Variants in PAK6 observed in about 807,000 individuals in gnomAD.
PAK6 encodes p21 (RAC1) activated kinase 6, also known as serine/threonine-protein kinase PAK 6.
A neutral mutation model predicts 60.8 loss-of-function variants in PAK6; 33 were observed. The observed-to-expected ratio is 0.54, with a 90% CI of 0.41 to 0.73. The LOEUF (loss-of-function observed/expected upper bound fraction) is 0.73, where lower values mean the gene tolerates loss of function less well. PAK6 is among the 30% of genes least tolerant of loss of function. The pLI, the probability that PAK6 is intolerant of heterozygous loss-of-function variation, is 0.00. For missense variants in PAK6, 845 were observed against 904.1 expected (o/e 0.93, Z 0.84); for synonymous variants, 404 against 378.5 (o/e 1.07, Z -0.78).
At position 40,276,165 on chromosome 15, in the gene PAK6, ACTTG is replaced by A. The variant is rs925452732; in HGVS notation, c.*73_*76del. 34 of 1,396,946 alleles carry A rather than the reference ACTTG, an allele frequency of 2.4e-5. No individual in the cohort carries two copies. The Middle Eastern group carries it at 9.3e-4, about 38-fold the overall frequency. The allele number at this position is 1,396,946 out of a possible 1,614,324, so 86.5% of individuals were successfully genotyped here. ...ACTGGGCAGCCAGCCTGCCGGCAGG[ACTTG>A]CCTGCCTCCTCCTCTCAGTATTCTC... On this transcript the variant is annotated 3_prime_UTR_variant, in exon 11 of 11. Transcript: ENST00000560346.
chr15:40,255,099 C>T (rs1465178983), intron 3 of PAK6, among the ~76,000 whole-genome samples: 1 of 152,136 alleles, frequency 6.6e-6, no homozygotes, highest in Non-Finnish European at 1.5e-5. Flanking sequence ...CATAGGGTTC[C>T]AATGCCAGAG....
intron 3 of PAK6, among the ~76,000 whole-genome samples, chr15:40,253,505 G>A (rs1351720892): frequency 2.0e-5 from 3 of 152,262 alleles, no homozygotes; most frequent in Non-Finnish European, 4.4e-5. Flanking sequence ...CCCACGGTAG[G>A]CTGGTAGACG....
chr15:40,266,529 G>C (rs1437699398), intron 5 of PAK6, 34 bp downstream of exon 5: 20 of 1,554,980 alleles, frequency 1.3e-5, no homozygotes, highest in Middle Eastern at 1.7e-4. Context: ...GGTGTCCACT[G>C]GGGAGTGGGT....
chr15:40,275,706 G>C (rs1287670884), intron 10 of PAK6, among the ~76,000 whole-genome samples: 1 of 152,130 alleles, frequency 6.6e-6, no homozygotes, highest in Admixed American at 6.5e-5. Flanking sequence ...CTGAGATCAC[G>C]GATAGAGCCA....
chr15:40,248,249 A>G (rs2038551054), intron 2 of PAK6, among the ~76,000 whole-genome samples: 2 of 152,096 alleles, frequency 1.3e-5, no homozygotes, highest in African/African-American at 4.8e-5. Context: ...GGAGGTTCAG[A>G]GGTTTGCACC....
chr15:40,240,718 TG>T (rs1340551987), intron 2 of PAK6, 37 bp downstream of exon 2: 5 of 436,482 alleles, frequency 1.1e-5, no homozygotes, highest in Non-Finnish European at 2.3e-5. Flanking sequence ...TCCGGATTCC[TG>T]GGCTAGGGAC....
chr15:40,262,189 G>A (rs957607477), intron 3 of PAK6, among the ~76,000 whole-genome samples: 2 of 152,134 alleles, frequency 1.3e-5, no homozygotes, highest in African/African-American at 2.4e-5. Context: ...TCTATCCAAG[G>A]GACTGGGGGA....
intron 2 of PAK6, chr15:40,252,368 C>T: frequency 7.6e-7 from 1 of 1,312,048 alleles, no homozygotes. Flanking sequence ...TGTGGCCAGG[C>T]CAGGGCCCGG....
At chr15:40,271,923 C>T (rs990001374) in intron 5 of PAK6, among the ~76,000 whole-genome samples, 5 of 152,218 alleles carry the variant, frequency 3.3e-5, no homozygotes, top group African/African-American at 7.2e-5. Context: ...GGAAGAAATA[C>T]CCAGCGCAGG....
chr15:40,266,203 C>A lies in PAK6; in HGVS notation c.566C>A (p.Ser189Ter). The change falls in exon 5 of 11, where the codon TCG becomes TAG. Residue 189 changes from serine (S) to a stop codon, truncating the protein, a stop_gained. Coordinates refer to ENST00000560346, the Ensembl canonical transcript of PAK6. LOFTEE classifies it high-confidence loss of function. Reference sequence around the variant, plus strand: ...GGCCCCGCCGAGTTTCAGGGTGCCTCGCAGCGCTGTCTGCAGCTGGGTGCC... The same window carrying A: ...GGCCCCGCCGAGTTTCAGGGTGCCTAGCAGCGCTGTCTGCAGCTGGGTGCC... 6.2e-7 allele frequency: 1 copy of A among 1,609,632 alleles called. No individual in the cohort carries two copies.
chr15:40,242,237 C>T (rs374699050), intron 2 of PAK6, among the ~76,000 whole-genome samples: 2 of 152,168 alleles, frequency 1.3e-5, no homozygotes, highest in African/African-American at 2.4e-5. Flanking sequence ...AGGCCCTCTG[C>T]GTAGGTGACT....
chr15:40,253,701 C>T lies in PAK6; in HGVS notation c.-6+412C>T, dbSNP rs1237578073. 4.6e-5 allele frequency among the ~76,000 whole-genome samples: 7 copies of T among 152,290 alleles called. No homozygotes were observed. In the East Asian group the frequency reaches 1.2e-3, roughly 25 times the overall value. On this transcript the variant is annotated intron_variant, in intron 3 of 10. Transcript: ENST00000560346. ...GGTGGGAGGCAGCCGTGGGAGACTC[C>T]CGCAGGAGTTACAGGTGAAGCTGCC...
At chr15:40,257,111 T>A (rs1345327000) in intron 3 of PAK6, 2 of 152,532 alleles carry the variant, frequency 1.3e-5, no homozygotes, top group Non-Finnish European at 2.9e-5. Flanking sequence ...AGCCTCACTG[T>A]GAGAAAGCCT....
At chr15:40,252,979 C>G in intron 2 of PAK6, 199 bp from the exon 3 acceptor site, 1 of 594,748 alleles carries the variant, frequency 1.7e-6, no homozygotes, top group Non-Finnish European at 2.4e-6. Flanking sequence ...GGGGCCGCCC[C>G]GGAAGCGGTG....
At chr15:40,252,993 C>A in intron 2 of PAK6, 185 bp from the exon 3 acceptor site, 11 of 486,848 alleles carry the variant, frequency 2.3e-5, no homozygotes, top group South Asian at 2.0e-4. Flanking sequence ...AGCGGTGCTG[C>A]GCCCAACGTC....
chr15:40,265,163 C>T (rs897229128), intron 4 of PAK6, among the ~76,000 whole-genome samples, 174 bp downstream of exon 4: 3 of 152,192 alleles, frequency 2.0e-5, no homozygotes, highest in Admixed American at 6.5e-5. Context: ...TAAGCCAGGG[C>T]GAAGGAGGCT....
chr15:40,243,843 G>A (rs1236997555), intron 2 of PAK6, among the ~76,000 whole-genome samples: 2 of 152,212 alleles, frequency 1.3e-5, no homozygotes, highest in East Asian at 3.9e-4. Flanking sequence ...TGAAGGGATC[G>A]AGAGCCGGGC....
chr15:40,266,206 A>G lies in PAK6; in HGVS notation c.569A>G (p.Gln190Arg), dbSNP rs149315160. 2,018 of 1,609,794 alleles carry G rather than the reference A, an allele frequency of 1.3e-3. 20 individuals carry two copies. In the African/African-American group the frequency reaches 0.02, roughly 16 times the overall value. ...CCCGCCGAGTTTCAGGGTGCCTCGC[A>G]GCGCTGTCTGCAGCTGGGTGCCTGC... The change falls in exon 5 of 11, where the codon CAG becomes CGG. Residue 190 changes from glutamine (Q) to arginine (R), a missense_variant. Gln to Arg is a conservative substitution (Grantham distance 43). Transcript: ENST00000560346.
intron 2 of PAK6, chr15:40,252,426 G>A (rs761960069): frequency 5.2e-6 from 7 of 1,356,294 alleles, no homozygotes; most frequent in Non-Finnish European, 6.9e-6. Flanking sequence ...GAGAGAAAGA[G>A]TTGAGCAGCA....
Sources: gnomAD v4.1 joint callset for allele counts (sites outside exome capture counted in the v4.1 genomes callset) on GRCh38, gnomAD v4.1.1 for gene constraint, MANE v1.5 for transcripts, NCBI Gene and HGNC (gene_info 2026-07-23, HGNC 2026-07-21) for gene names.